The following UNC13B variants were observed in gnomAD, a reference collection of about 807,000 sequenced individuals.
The protein encoded by UNC13B is protein unc-13 homolog B.
In UNC13B, 144 loss-of-function variants were observed where a neutral mutation model predicts 211.0. The observed-to-expected ratio is 0.68, with a 90% CI of 0.60 to 0.78. The LOEUF is 0.78. UNC13B is among the 30% of genes least tolerant of loss of function. The pLI, the probability that UNC13B is intolerant of heterozygous loss-of-function variation, is 0.00. For missense variants in UNC13B, 1,777 were observed against 2,002.0 expected (o/e 0.89, Z 2.14); for synonymous variants, 709 against 725.8 (o/e 0.98, Z 0.37).
chr9:35,285,573 C>T (rs1361355422), intron 7 of UNC13B, among the ~76,000 whole-genome samples: 3 of 152,060 alleles, frequency 2.0e-5, no homozygotes, highest in Admixed American at 6.5e-5. Flanking sequence ...AAAAATTAGT[C>T]GAGTGTGATG....
intron 1 of UNC13B, among the ~76,000 whole-genome samples, chr9:35,201,541 A>T (rs1216878833): frequency 6.6e-6 from 1 of 152,194 alleles, no homozygotes; most frequent in Non-Finnish European, 1.5e-5. Context: ...CAGGGATTCA[A>T]CTTCTTCCTG....
At chr9:35,265,519 G>T (rs1827518172) in intron 7 of UNC13B, among the ~76,000 whole-genome samples, 1 of 152,210 alleles carries the variant, frequency 6.6e-6, no homozygotes, top group Non-Finnish European at 1.5e-5. Context: ...CTGAGCAGAT[G>T]TATACACTAT....
chr9:35,178,329 GC>G (rs747920979), intron 1 of UNC13B, among the ~76,000 whole-genome samples: 6 of 152,022 alleles, frequency 3.9e-5, no homozygotes, highest in Non-Finnish European at 8.8e-5. Flanking sequence ...GGGCAACATG[GC>G]AAAACCCCAT....
chr9:35,370,982 G>A (rs1348136311), intron 13 of UNC13B, among the ~76,000 whole-genome samples: 1 of 152,194 alleles, frequency 6.6e-6, no homozygotes, highest in Non-Finnish European at 1.5e-5. Context: ...CCCATTCTGG[G>A]TCATACCTTC....
intron 11 of UNC13B, among the ~76,000 whole-genome samples, chr9:35,329,873 G>A (rs1008586880): frequency 1.3e-5 from 2 of 152,184 alleles, no homozygotes; most frequent in African/African-American, 4.8e-5. Flanking sequence ...GAAGAGGGAA[G>A]AGGGTGGCAC....
At chr9:35,241,761 T>C (rs1202919073) in intron 5 of UNC13B, among the ~76,000 whole-genome samples, 4 of 152,192 alleles carry the variant, frequency 2.6e-5, no homozygotes, top group African/African-American at 9.7e-5. Context: ...TCTCCTTCTT[T>C]GTAACAGGTG....
intron 1 of UNC13B, among the ~76,000 whole-genome samples, chr9:35,218,041 T>A: frequency 6.6e-6 from 1 of 151,960 alleles, no homozygotes. Flanking sequence ...ATTTTAGGCG[T>A]GGAAAGAGAA....
chr9:35,169,086 C>T (rs1288785794), intron 1 of UNC13B, among the ~76,000 whole-genome samples: 1 of 152,176 alleles, frequency 6.6e-6, no homozygotes, highest in Non-Finnish European at 1.5e-5. Context: ...TGAGGTGGCT[C>T]ATGCCTGTAA....
chr9:35,272,340 C>A (rs1477191220), intron 7 of UNC13B, among the ~76,000 whole-genome samples: 1 of 150,968 alleles, frequency 6.6e-6, no homozygotes, highest in Non-Finnish European at 1.5e-5. Context: ...TCACTGCAAC[C>A]TTTGCCTCCT....
rs1829946081 is a variant in UNC13B at position 35,306,787 on chromosome 9, T to A, written c.7383T>A (p.Phe2461Leu). 1 of 399,056 alleles carries A rather than the reference T, an allele frequency of 2.5e-6. No homozygotes were observed. The highest frequency in any genetic ancestry group is 4.4e-6 in the Non-Finnish European group (1 of 226,070). 24.7% of individuals were successfully genotyped at this position (399,056 alleles called of 1,614,324 possible). A position where few individuals can be genotyped will look rare whatever the true frequency, so the allele number is the denominator to read the frequency against. Reference sequence around the variant, plus strand: ...CTTCAGTAGACATGCTTTCAGGGTTTGTGACCAAAGTGAAATCTTTCTCTG... The same window carrying A: ...CTTCAGTAGACATGCTTTCAGGGTTAGTGACCAAAGTGAAATCTTTCTCTG... Reference protein sequence around the residue: ...LGSSVDMLSGFVTKVKSFSGS... With the variant: ...LGSSVDMLSGLVTKVKSFSGS... Residue 2461 changes from phenylalanine to leucine, a missense_variant, in exon 9 of 40, where the codon TTT becomes TTA. Transcript: ENST00000635942.
chr9:35,170,459 C>A (rs1245003036), intron 1 of UNC13B, among the ~76,000 whole-genome samples: 1 of 151,952 alleles, frequency 6.6e-6, no homozygotes, highest in Non-Finnish European at 1.5e-5. Context: ...AGCCACCACG[C>A]CCAGCCTTAT....
chr9:35,188,159 T>C (rs905603865), intron 1 of UNC13B, among the ~76,000 whole-genome samples: 2 of 152,248 alleles, frequency 1.3e-5, no homozygotes, highest in Non-Finnish European at 2.9e-5. Flanking sequence ...ATGAGCATTT[T>C]AGTTCTTCAT....
intron 11 of UNC13B, among the ~76,000 whole-genome samples, chr9:35,355,819 G>A (rs1201464692): frequency 6.6e-6 from 1 of 152,140 alleles, no homozygotes; most frequent in Non-Finnish European, 1.5e-5. Context: ...AATTATTTCA[G>A]CACAGCAACA....
chr9:35,239,180 G>A (rs1281661459), intron 5 of UNC13B, among the ~76,000 whole-genome samples: 1 of 151,978 alleles, frequency 6.6e-6, no homozygotes, highest in Non-Finnish European at 1.5e-5. Context: ...TATTTTGTAT[G>A]ATATCTTATC....
chr9:35,378,331 C>CA lies in UNC13B; in HGVS notation c.10101dup (p.Gly3368ArgfsTer4). ...CAGGGCCTACAAGCCAAGGACAAAACAGGATCCAGTGACCCTTACGTGACT... is the reference window on the plus strand; with the variant it reads ...CAGGGCCTACAAGCCAAGGACAAAACAAGGATCCAGTGACCCTTACGTGACT... On this transcript the variant is annotated frameshift_variant, in exon 17 of 40. Coordinates refer to ENST00000635942, the MANE Select transcript of UNC13B (RefSeq NM_001371189.2). LOFTEE classifies it high-confidence loss of function. 1 of 1,614,184 alleles carries CA rather than the reference C, an allele frequency of 6.2e-7. No individual in the cohort carries two copies. Among genetic ancestry groups the CA allele is most frequent in the Non-Finnish European group, 8.5e-7 (1 of 1,180,040 alleles).
At chr9:35,187,191 TA>T in intron 1 of UNC13B, among the ~76,000 whole-genome samples, 1 of 152,360 alleles carries the variant, frequency 6.6e-6, no homozygotes, top group African/African-American at 2.4e-5. Context: ...CTTGCCAAGA[TA>T]TAGAATCTCC....
At chr9:35,395,749 T>C (rs947128810) in intron 26 of UNC13B, among the ~76,000 whole-genome samples, 5 of 152,240 alleles carry the variant, frequency 3.3e-5, no homozygotes, top group Admixed American at 6.5e-5. Flanking sequence ...CAGAAGGCTC[T>C]GGAGATTCAG....
chr9:35,244,184 G>A (rs1445701202), intron 6 of UNC13B, among the ~76,000 whole-genome samples: 2 of 151,788 alleles, frequency 1.3e-5, no homozygotes, highest in African/African-American at 2.4e-5. Flanking sequence ...ACTGAGAAAG[G>A]GCAACCTTAA....
chr9:35,226,900 T>C (rs1824877162), intron 1 of UNC13B, among the ~76,000 whole-genome samples: 1 of 152,176 alleles, frequency 6.6e-6, no homozygotes, highest in South Asian at 2.1e-4. Flanking sequence ...TGGCACTCAA[T>C]AGAGTGTCAC....
Sources: gnomAD v4.1 joint callset for allele counts (sites outside exome capture counted in the v4.1 genomes callset) on GRCh38, gnomAD v4.1.1 for gene constraint, MANE v1.5 for transcripts, NCBI Gene and HGNC (gene_info 2026-07-23, HGNC 2026-07-21) for gene names.